RS1: variants seen among roughly 807,000 people sequenced by gnomAD.
RS1 encodes retinoschisin 1.
A neutral mutation model predicts 20.8 loss-of-function variants in RS1; 2 were observed. That is an observed-to-expected ratio of 0.10 (90% CI 0.04 to 0.30). The LOEUF is 0.30. RS1 is among the 10% of genes least tolerant of loss of function. The probability of loss-of-function intolerance (pLI) is 1.00; values close to 1 mark genes in which losing one functional copy is unlikely to be tolerated. For missense variants in RS1, 151 were observed against 189.8 expected, an observed-to-expected ratio of 0.80 and a Z score of 1.20; for synonymous variants, 70 against 75.8, an observed-to-expected ratio of 0.92 and a Z score of 0.40.
At chrX:18,642,824 G>C (rs1927633485) in intron 5 of RS1, among the ~76,000 whole-genome samples, 1 of 110,585 alleles carries the variant, frequency 9.0e-6, no homozygotes, top group Admixed American at 9.6e-5. Context: ...CGGATCGTTT[G>C]AGGTCAGGAG....
At chrX:18,648,276 C>A (rs1260915609) in intron 3 of RS1, among the ~76,000 whole-genome samples, 1 of 110,237 alleles carries the variant, frequency 9.1e-6, no homozygotes, top group East Asian at 2.9e-4. Flanking sequence ...CAGGGTCTCG[C>A]CCTGTCCTAG....
At chrX:18,650,415 T>C in intron 3 of RS1, 1 of 1,211,374 alleles carries the variant, frequency 8.3e-7, no homozygotes, top group Non-Finnish European at 1.1e-6. Flanking sequence ...TCCAGGAGAA[T>C]ACTTCTGCTG....
chrX:18,646,955 C>T (rs903295395), intron 4 of RS1, among the ~76,000 whole-genome samples: 6 of 110,813 alleles, frequency 5.4e-5, no homozygotes, highest in African/African-American at 1.6e-4. Flanking sequence ...CTCACTCTGT[C>T]GCCCAGGCTG....
chrX:18,650,714 G>T, intron 3 of RS1: 1 of 822,956 alleles, frequency 1.2e-6, no homozygotes, highest in Non-Finnish European at 1.8e-6. Flanking sequence ...ATTGGCCTGG[G>T]CATGGGGACA....
chrX:18,649,309 C>T (rs1041420255), intron 3 of RS1, among the ~76,000 whole-genome samples: 1 of 111,401 alleles, frequency 9.0e-6, no homozygotes. Flanking sequence ...AGTCATAGCT[C>T]TCTGCAACTC....
At chrX:18,661,295 G>A (rs1010224078) in intron 1 of RS1, among the ~76,000 whole-genome samples, 4 of 111,494 alleles carry the variant, frequency 3.6e-5, no homozygotes, top group Non-Finnish European at 7.5e-5. Flanking sequence ...ATGCAAGGGA[G>A]GTGTGGTTCG....
chrX:18,647,417 C>T (rs1373118133), intron 3 of RS1, 85 bp from the exon 4 acceptor site: 3 of 1,032,842 alleles, frequency 2.9e-6, no homozygotes, highest in Non-Finnish European at 4.1e-6. Flanking sequence ...ACAAACCCAT[C>T]TGCTTTGCGC....
chrX:18,652,648 A>G (rs1280587639), intron 3 of RS1, among the ~76,000 whole-genome samples: 4 of 107,063 alleles, frequency 3.7e-5, no homozygotes, highest in Non-Finnish European at 5.8e-5. Context: ...CAGCTTGGGC[A>G]ACAGAGCCAG....
chrX:18,669,147 A>G (rs1928449411), intron 1 of RS1, among the ~76,000 whole-genome samples: 1 of 111,166 alleles, frequency 9.0e-6, no homozygotes. Context: ...CCTTATTGGC[A>G]TTGAATCCAA....
intron 3 of RS1, among the ~76,000 whole-genome samples, chrX:18,651,251 G>A (rs1294960738): frequency 5.0e-5 from 5 of 99,764 alleles, no homozygotes; most frequent in Non-Finnish European, 1.0e-4. Context: ...GTGTGTGTGT[G>A]TGTGTGTGTG....
intron 1 of RS1, among the ~76,000 whole-genome samples, chrX:18,658,256 G>A (rs1928254321): frequency 8.9e-6 from 1 of 111,830 alleles, no homozygotes. Flanking sequence ...GGACAGGGCA[G>A]GGAGAGGAAA....
chrX:18,652,527 A>G (rs1481240007), intron 3 of RS1, among the ~76,000 whole-genome samples: 2 of 111,286 alleles, frequency 1.8e-5, no homozygotes, highest in Non-Finnish European at 3.8e-5. Flanking sequence ...AAATTAGCCG[A>G]GCGCAGTGGT....
chrX:18,650,216 G>A, intron 3 of RS1: 1 of 484,770 alleles, frequency 2.1e-6, no homozygotes. Flanking sequence ...GCCTGGGAGG[G>A]CCTGTCCAGG....
intron 3 of RS1, among the ~76,000 whole-genome samples, chrX:18,651,875 C>T (rs1928063587): frequency 9.0e-6 from 1 of 111,061 alleles, no homozygotes; most frequent in Non-Finnish European, 1.9e-5. Context: ...TTCTGTGGGC[C>T]TGGTTGAGCT....
intron 3 of RS1, among the ~76,000 whole-genome samples, chrX:18,649,753 T>C (rs1457406789): frequency 8.9e-6 from 1 of 112,431 alleles, no homozygotes; most frequent in Non-Finnish European, 1.9e-5. Context: ...ACATTCTTTC[T>C]GTGGGCTGGG....
At chrX:18,666,774 C>A (rs1378522335) in intron 1 of RS1, among the ~76,000 whole-genome samples, 1 of 110,185 alleles carries the variant, frequency 9.1e-6, no homozygotes, top group Non-Finnish European at 1.9e-5. Context: ...ACAGGATCTG[C>A]GGGCAGATTA....
At chrX:18,653,588 T>C (rs762222076) in intron 3 of RS1, 2 of 1,185,699 alleles carry the variant, frequency 1.7e-6, no homozygotes, top group Non-Finnish European at 2.3e-6. Flanking sequence ...GAATCACCTC[T>C]CTCATGGAAG....
intron 3 of RS1, among the ~76,000 whole-genome samples, chrX:18,648,578 T>C (rs1294434384): frequency 9.0e-6 from 1 of 111,491 alleles, no homozygotes; most frequent in Non-Finnish European, 1.9e-5. Flanking sequence ...CTCCTTTTAT[T>C]GGGAGCAGCA....
chrX:18,647,498 C>G lies in RS1; in HGVS notation c.185-166G>C, dbSNP rs994723464. 4.7e-5 allele frequency: 23 copies of G among 494,622 alleles called. No homozygotes were observed. The South Asian group carries it at 6.8e-4, about 15-fold the overall frequency. 40.8% of individuals were successfully genotyped at this position (494,622 alleles called of 1,213,427 possible). On this transcript the variant is annotated intron_variant, in intron 3 of 5. Transcript: ENST00000379984. ...GTACAGCTGTGTCTTCAACGGTTCA[C>G]TACTCACGCAAGAAAGGAATGAAGG...
Sources: allele counts gnomAD v4.1 joint callset (sites outside exome capture counted in the v4.1 genomes callset), GRCh38; gene constraint gnomAD v4.1.1; transcripts MANE v1.5; gene names NCBI Gene and HGNC (gene_info 2026-07-23, HGNC 2026-07-21).